VIT: variants seen among roughly 807,000 people sequenced by gnomAD.
VIT encodes the protein vitrin.
In VIT, 99 loss-of-function variants were observed where a neutral mutation model predicts 78.0. The ratio of observed to expected loss-of-function variants is 1.27; its 90% CI spans 1.08 to 1.50. VIT has a LOEUF of 1.50. Among genes scored for constraint, VIT ranks in the 40% most tolerant of loss-of-function variants. VIT has a pLI of 0.00. For synonymous variants in VIT, 374 were observed against 334.3 expected, an observed-to-expected ratio of 1.12 and a Z score of -1.29; for missense variants, 1,126 against 875.3, an observed-to-expected ratio of 1.29 and a Z score of -3.61.
chr2:36,730,306 G>GA (rs909962579), intron 3 of VIT, among the ~76,000 whole-genome samples: 1 of 150,678 alleles, frequency 6.6e-6, no homozygotes, highest in South Asian at 2.1e-4. Context: ...AAAACAGGGG[G>GA]AAAAAAAAGA....
At chr2:36,812,218 T>C (rs570195339) in intron 15 of VIT, among the ~76,000 whole-genome samples, 1 of 151,916 alleles carries the variant, frequency 6.6e-6, no homozygotes, top group African/African-American at 2.4e-5. Flanking sequence ...TGGACCACAA[T>C]CAAAAAGCAG....
At chr2:36,710,691 C>CT (rs1665748792) in intron 1 of VIT, among the ~76,000 whole-genome samples, 1 of 152,178 alleles carries the variant, frequency 6.6e-6, no homozygotes, top group Admixed American at 6.5e-5. Context: ...TTTCATTTAA[C>CT]ATAATTATTT....
chr2:36,697,776 G>C (rs547174840), intron 1 of VIT, among the ~76,000 whole-genome samples: 15 of 152,316 alleles, frequency 9.8e-5, no homozygotes, highest in African/African-American at 3.4e-4. Context: ...CCTAAATCAA[G>C]AGTGGAATTA....
At chr2:36,700,410 C>T (rs1181891871) in intron 1 of VIT, among the ~76,000 whole-genome samples, 1 of 151,740 alleles carries the variant, frequency 6.6e-6, no homozygotes, top group African/African-American at 2.4e-5. Context: ...GTGGTGGTGG[C>T]GATGTTATAA....
chr2:36,720,635 A>G (rs930606829), intron 2 of VIT, among the ~76,000 whole-genome samples: 3 of 152,244 alleles, frequency 2.0e-5, no homozygotes, highest in Admixed American at 2.0e-4. Context: ...TACAAAAGCC[A>G]AACTGATGGA....
intron 1 of VIT, among the ~76,000 whole-genome samples, chr2:36,699,228 C>T (rs17490768): frequency 0.57 from 87,084 of 151,502 alleles, 25,698 homozygotes; most frequent in East Asian, 0.82. Context: ...CTCAATGTCT[C>T]CATCTCTATT....
intron 13 of VIT, among the ~76,000 whole-genome samples, chr2:36,803,675 T>C (rs960550445): frequency 5.3e-5 from 8 of 152,218 alleles, no homozygotes; most frequent in African/African-American, 1.4e-4. Context: ...AGCATCTGTA[T>C]ATGTAACCAT....
chr2:36,739,187 A>T (rs1365561665), intron 3 of VIT, among the ~76,000 whole-genome samples: 2 of 152,220 alleles, frequency 1.3e-5, no homozygotes, highest in Admixed American at 6.5e-5. Context: ...AAAAAAATAA[A>T]AATAATAATT....
chr2:36,773,032 G>C (rs1406962047), intron 7 of VIT, among the ~76,000 whole-genome samples: 1 of 152,178 alleles, frequency 6.6e-6, no homozygotes, highest in African/African-American at 2.4e-5. Context: ...TTCGCTCACA[G>C]AGTAATTAAC....
At chr2:36,713,888 C>A (rs564908598) in intron 1 of VIT, among the ~76,000 whole-genome samples, 54 of 152,360 alleles carry the variant, frequency 3.5e-4, no homozygotes, top group African/African-American at 1.3e-3. Flanking sequence ...GTTAAACACT[C>A]AGGCTTGAAG....
chr2:36,811,482 C>T (rs1178584281), intron 15 of VIT, among the ~76,000 whole-genome samples: 1 of 152,124 alleles, frequency 6.6e-6, no homozygotes, highest in Admixed American at 6.5e-5. Context: ...TGCAAATTAC[C>T]TGGAGGCAGA....
chr2:36,801,242 C>T, intron 12 of VIT, 59 bp from the exon 13 acceptor site: 1 of 1,430,080 alleles, frequency 7.0e-7, no homozygotes, highest in Non-Finnish European at 9.9e-7. Flanking sequence ...ATGATCTCTG[C>T]CTTCCTCCAA....
rs373242813 is a variant in VIT, at chr2:36,814,553, C to G, written c.*192C>G. The G allele has an allele frequency of 2.9e-6, 2 of 678,984 alleles. No individual in the cohort carries two copies. Among genetic ancestry groups the G allele is most frequent in the Non-Finnish European group, 4.7e-6 (2 of 426,506 alleles). The allele number at this position is 678,984 out of a possible 1,614,324, so 42.1% of individuals were successfully genotyped here. ...TTGGAGTTACAAAGATGATCACAAA[C>G]GTATAGAATGAGCCAAAAGGCTACA... On this transcript the variant is annotated 3_prime_UTR_variant, in exon 16 of 16. Coordinates refer to ENST00000379242, the MANE Select transcript of VIT (RefSeq NM_053276.4).
chr2:36,700,644 A>T (rs1664992378), intron 1 of VIT, among the ~76,000 whole-genome samples: 1 of 152,146 alleles, frequency 6.6e-6, no homozygotes, highest in African/African-American at 2.4e-5. Flanking sequence ...AAAGAGGCTG[A>T]GGCAGGAAGA....
Position 36,814,253 on chromosome 2 carries a change from C to T in VIT, c.1974C>T (p.Pro658=), listed in dbSNP as rs765056539. ...QEELEVIATH[P]ARDHSFFVDE... The stretch of plus-strand genomic sequence containing the variant: ...AGCTAGAAGTCATTGCCACTCACCC[C>T]GCCAGAGACCACTCCTTCTTTGTGG... Residue 658 remains proline (P), a synonymous_variant, in exon 16 of 16, where the codon CCC becomes CCT. Coordinates refer to ENST00000379242, the MANE Select transcript of VIT (RefSeq NM_053276.4). 6 of 1,614,226 alleles carry T rather than the reference C, an allele frequency of 3.7e-6. No homozygotes were observed. Among genetic ancestry groups the T allele is most frequent in the East Asian group, 4.5e-5 (2 of 44,886 alleles).
intron 4 of VIT, among the ~76,000 whole-genome samples, chr2:36,744,362 T>C (rs1345722781): frequency 1.3e-5 from 2 of 152,162 alleles, no homozygotes; most frequent in African/African-American, 4.8e-5. Flanking sequence ...GGATTGCTGG[T>C]CAAATGGTTG....
chr2:36,702,255 G>A (rs184820580), intron 1 of VIT, among the ~76,000 whole-genome samples: 1 of 152,060 alleles, frequency 6.6e-6, no homozygotes, highest in Non-Finnish European at 1.5e-5. Flanking sequence ...GGAAAGGGAA[G>A]CCCAAGGGTG....
chr2:36,783,917 T>C (rs567370548), intron 11 of VIT, among the ~76,000 whole-genome samples: 1 of 152,312 alleles, frequency 6.6e-6, no homozygotes, highest in Non-Finnish European at 1.5e-5. Flanking sequence ...TATCATTTTC[T>C]TCGAGACATT....
intron 8 of VIT, 77 bp from the exon 9 acceptor site, chr2:36,774,925 T>G: frequency 6.3e-7 from 1 of 1,591,046 alleles, no homozygotes; most frequent in Non-Finnish European, 8.6e-7. Context: ...AAGGTAATTT[T>G]CACCGGGGGC....
Sources: gnomAD v4.1 joint callset for allele counts (sites outside exome capture counted in the v4.1 genomes callset) on GRCh38, gnomAD v4.1.1 for gene constraint, MANE v1.5 for transcripts, NCBI Gene and HGNC (gene_info 2026-07-23, HGNC 2026-07-21) for gene names.